Variants in SUPT16H observed in about 807,000 individuals in gnomAD.
SUPT16H encodes the protein SPT16 homolog, facilitates chromatin remodeling subunit.
A neutral mutation model predicts 136.2 loss-of-function variants in SUPT16H; 24 were observed. The ratio of observed to expected loss-of-function variants is 0.18; its 90% CI spans 0.13 to 0.25. SUPT16H has a LOEUF of 0.25. Among genes scored for constraint, SUPT16H ranks in the 10% least tolerant of loss-of-function variants. The pLI, the probability that SUPT16H is intolerant of heterozygous loss-of-function variation, is 1.00. For synonymous variants in SUPT16H, 415 were observed against 428.2 expected, an observed-to-expected ratio of 0.97 and a Z score of 0.38; for missense variants, 623 against 1,270.2, an observed-to-expected ratio of 0.49 and a Z score of 7.74.
At position 21,369,812 on chromosome 14, in the gene SUPT16H, T is replaced by C. The variant is rs777482561; in HGVS notation, c.568A>G (p.Thr190Ala). 3 of 1,614,200 alleles carry C rather than the reference T, an allele frequency of 1.9e-6. No individual in the cohort carries two copies. Among genetic ancestry groups the C allele is most frequent in the Non-Finnish European group, 1.7e-6 (2 of 1,180,022 alleles). ...LNLMKKAASITSEVFNKFFKE... is the reference protein window; with the variant it reads ...LNLMKKAASIASEVFNKFFKE... Reference sequence around the variant, plus strand: ...AAGAATTTGTTGAAGACTTCAGAAGTGATGCTGGCTGCTTTCTTCATTAGG... The same window carrying C: ...AAGAATTTGTTGAAGACTTCAGAAGCGATGCTGGCTGCTTTCTTCATTAGG... The change falls in exon 5 of 26, where the codon ACT becomes GCT. Residue 190 changes from threonine (T) to alanine (A), a missense_variant. By Grantham distance (58) the Thr-to-Ala change is moderately conservative. This residue lies in a region of SUPT16H where 343 missense variants were observed against 525.7 expected (regional missense o/e 0.65). Transcript: ENST00000216297.
At chr14:21,359,087 G>A (rs1199735019) in intron 19 of SUPT16H, among the ~76,000 whole-genome samples, 1 of 150,920 alleles carries the variant, frequency 6.6e-6, no homozygotes, top group Non-Finnish European at 1.5e-5. Flanking sequence ...TTATAGGCGT[G>A]AGCCACTGCA....
intron 15 of SUPT16H, 24 bp downstream of exon 15, chr14:21,362,173 G>A (rs749337031): frequency 1.2e-6 from 2 of 1,608,440 alleles, no homozygotes; most frequent in Admixed American, 3.4e-5. Flanking sequence ...ATGAATCTGG[G>A]TATGACTTTT....
Position 21,354,394 on chromosome 14 carries a change from A to G in SUPT16H, c.2790+17T>C. The G allele has an allele frequency of 6.2e-7, 1 of 1,612,798 alleles. No individual in the cohort carries two copies. The highest frequency in any genetic ancestry group is 8.5e-7 in the Non-Finnish European group (1 of 1,179,392). Reference sequence around the variant, plus strand: ...GGCAACACTGTGTACCAGAAAAGAAACCCCACACTCACGCACCTCACCCTC... The same window carrying G: ...GGCAACACTGTGTACCAGAAAAGAAGCCCCACACTCACGCACCTCACCCTC... On this transcript the variant is annotated intron_variant, in intron 23 of 25. Coordinates refer to ENST00000216297, the MANE Select transcript of SUPT16H (RefSeq NM_007192.4).
intron 1 of SUPT16H, among the ~76,000 whole-genome samples, chr14:21,377,076 G>GAAAAAAAAAAAAAAAAAAAAAAAA (rs11323425): frequency 1.8e-5 from 2 of 110,790 alleles, no homozygotes; most frequent in Non-Finnish European, 3.7e-5. Context: ...GAAAGAAAAA[G>GAAAAAAAAAAAAAAAAAAAAAAAA]AAAAAAAAAA....
chr14:21,372,914 C>A (rs1886818781), intron 2 of SUPT16H, among the ~76,000 whole-genome samples: 1 of 152,052 alleles, frequency 6.6e-6, no homozygotes, highest in African/African-American at 2.4e-5. Flanking sequence ...CTGCTGAGTA[C>A]CAGAAACACA....
chr14:21,368,423 G>A lies in SUPT16H; in HGVS notation c.801C>T (p.His267=), dbSNP rs1441776635. Residue 267 remains histidine, a synonymous_variant, in exon 7 of 26, where the codon CAC becomes CAT. Coordinates refer to ENST00000216297, the MANE Select transcript of SUPT16H (RefSeq NM_007192.4). ...FSVVSDKNHM[H]FGAITCAMGI... The stretch of plus-strand genomic sequence containing the variant: ...CCATGGCACAAGTGATAGCCCCAAA[G>A]TGCATATGATTCTTGTCACTAGAGA... The A allele has an allele frequency of 6.2e-7, 1 of 1,610,744 alleles. No homozygotes were observed. The highest frequency in any genetic ancestry group is 8.5e-7 in the Non-Finnish European group (1 of 1,178,992).
intron 6 of SUPT16H, among the ~76,000 whole-genome samples, 180 bp from the exon 7 acceptor site, chr14:21,368,621 C>A (rs1886722195): frequency 6.6e-6 from 1 of 152,172 alleles, no homozygotes; most frequent in African/African-American, 2.4e-5. Context: ...TATAAAGGCT[C>A]TGGAGTAAAA....
intron 18 of SUPT16H, 110 bp from the exon 19 acceptor site, chr14:21,359,719 T>C (rs1028700713): frequency 4.1e-5 from 52 of 1,273,330 alleles, no homozygotes; most frequent in Non-Finnish European, 5.0e-5. Flanking sequence ...CAAAAATAAT[T>C]AAACCACCCC....
chr14:21,370,144 G>A (rs895836370), intron 4 of SUPT16H, among the ~76,000 whole-genome samples, 192 bp downstream of exon 4: 2 of 152,024 alleles, frequency 1.3e-5, no homozygotes, highest in African/African-American at 2.4e-5. Flanking sequence ...CCCTCTAGAC[G>A]TTTTTTGTAA....
intron 1 of SUPT16H, among the ~76,000 whole-genome samples, chr14:21,379,797 T>C (rs973688738): frequency 6.6e-6 from 1 of 152,142 alleles, no homozygotes; most frequent in Non-Finnish European, 1.5e-5. Flanking sequence ...GGTGGGAAGA[T>C]CACCTGAGGC....
At chr14:21,355,248 A>T (rs1459536304) in intron 22 of SUPT16H, among the ~76,000 whole-genome samples, 1 of 152,106 alleles carries the variant, frequency 6.6e-6, no homozygotes, top group African/African-American at 2.4e-5. Context: ...TAATCCCAGC[A>T]CTTTGGGAGG....
At chr14:21,382,138 G>A (rs1481640670) in intron 1 of SUPT16H, among the ~76,000 whole-genome samples, 1 of 152,160 alleles carries the variant, frequency 6.6e-6, no homozygotes, top group Non-Finnish European at 1.5e-5. Flanking sequence ...TTCTACAGGT[G>A]GGTTCTGGAC....
At chr14:21,371,396 G>A (rs548665487) in intron 3 of SUPT16H, among the ~76,000 whole-genome samples, 1 of 152,112 alleles carries the variant, frequency 6.6e-6, no homozygotes, top group East Asian at 1.9e-4. Flanking sequence ...GGGACTACGG[G>A]TGTGTGCCAC....
In SUPT16H at chr14:21,352,529, T is replaced by G; in HGVS notation, c.*144A>C. 3 of 1,326,154 alleles carry G rather than the reference T, an allele frequency of 2.3e-6. No homozygotes were observed. The highest frequency in any genetic ancestry group is 3.1e-6 in the Non-Finnish European group (3 of 964,312). The allele number at this position is 1,326,154 out of a possible 1,614,324, so 82.1% of individuals were successfully genotyped here. A position where few individuals can be genotyped will look rare whatever the true frequency, so the allele number is the denominator to read the frequency against. On this transcript the variant is annotated 3_prime_UTR_variant, in exon 26 of 26. Transcript: ENST00000216297. The stretch of plus-strand genomic sequence containing the variant: ...GCCTGGAATTCCCCGAGTAGATTGG[T>G]CCACACAAATGGCCCCCTAAACCCA...
chr14:21,361,596 C>T (rs1886557980), intron 15 of SUPT16H, among the ~76,000 whole-genome samples: 1 of 152,044 alleles, frequency 6.6e-6, no homozygotes. Flanking sequence ...GGATTACAGG[C>T]GTGAGCCACC....
rs1181037849 is a variant in SUPT16H, at chr14:21,351,828, C to G, written c.*845G>C. The G allele has an allele frequency of 6.5e-6, 1 of 152,926 alleles. No individual in the cohort carries two copies. The highest frequency in any genetic ancestry group is 2.4e-5 in the African/African-American group (1 of 41,466). 9.5% of individuals were successfully genotyped at this position (152,926 alleles called of 1,614,324 possible). On this transcript the variant is annotated 3_prime_UTR_variant, in exon 26 of 26. Coordinates refer to ENST00000216297, the MANE Select transcript of SUPT16H (RefSeq NM_007192.4). ...CTCCCTTCCTCTTCTCTTTTCTCAT[C>G]AGGGTATTCTAGGCCCAAGGCATGA...
intron 25 of SUPT16H, 57 bp downstream of exon 25, chr14:21,353,431 A>G (rs2139393421): frequency 6.5e-7 from 1 of 1,543,034 alleles, no homozygotes; most frequent in East Asian, 2.2e-5. Flanking sequence ...AAATATTGAA[A>G]TGTGTTAGAA....
At chr14:21,359,393 C>A (rs1886504009) in intron 19 of SUPT16H, 91 bp downstream of exon 19, 1 of 1,538,972 alleles carries the variant, frequency 6.5e-7, no homozygotes. Context: ...ACCACGCCAG[C>A]CCAGTTTGTT....
chr14:21,357,893 A>C (rs143875207), intron 21 of SUPT16H, 34 bp downstream of exon 21: 2 of 1,592,678 alleles, frequency 1.3e-6, no homozygotes, highest in African/African-American at 1.3e-5. Context: ...TTCTCTAACA[A>C]TTTTCTTACT....
Sources: gnomAD v4.1 joint callset for allele counts (sites outside exome capture counted in the v4.1 genomes callset) on GRCh38, gnomAD v4.1.1 for gene constraint, gnomAD v4.1.1 regional missense constraint, MANE v1.5 for transcripts, NCBI Gene and HGNC (gene_info 2026-07-23, HGNC 2026-07-21) for gene names.